The following SUCLG2 variants were observed in gnomAD, a reference collection of about 807,000 sequenced individuals.
SUCLG2 encodes succinate--CoA ligase [GDP-forming] subunit beta, mitochondrial.
A neutral mutation model predicts 47.9 loss-of-function variants in SUCLG2; 42 were observed. The ratio of observed to expected loss-of-function variants is 0.88; its 90% confidence interval spans 0.69 to 1.14. The LOEUF is 1.14. Among genes scored for constraint, SUCLG2 ranks in the 50% most tolerant of loss-of-function variants. The pLI is 0.00. For synonymous variants in SUCLG2, 195 were observed against 197.3 expected (o/e 0.99, Z 0.10); for missense variants, 571 against 525.9 (o/e 1.09, Z -0.84).
chr3:67,408,040 G>A (rs898687589), intron 9 of SUCLG2, among the ~76,000 whole-genome samples: 1 of 152,150 alleles, frequency 6.6e-6, no homozygotes, highest in South Asian at 2.1e-4. Context: ...ATAAGGAAGT[G>A]ATTCAGGTGA....
chr3:67,548,105 T>C (rs1482988497), intron 2 of SUCLG2, among the ~76,000 whole-genome samples: 1 of 152,194 alleles, frequency 6.6e-6, no homozygotes, highest in East Asian at 1.9e-4. Context: ...AAATAAGATT[T>C]GTGCTGAGCG....
intron 9 of SUCLG2, among the ~76,000 whole-genome samples, chr3:67,477,978 T>C (rs1372116637): frequency 6.6e-6 from 1 of 152,188 alleles, no homozygotes; most frequent in African/African-American, 2.4e-5. Flanking sequence ...CATCTATTAA[T>C]CACAACAAAC....
At chr3:67,543,952 T>C (rs1706790924) in intron 2 of SUCLG2, among the ~76,000 whole-genome samples, 1 of 152,222 alleles carries the variant, frequency 6.6e-6, no homozygotes, top group Non-Finnish European at 1.5e-5. Context: ...CTAGAAGATA[T>C]CTTAAGGACA....
chr3:67,450,869 TA>T (rs751924692), intron 9 of SUCLG2, among the ~76,000 whole-genome samples: 1 of 152,198 alleles, frequency 6.6e-6, no homozygotes, highest in East Asian at 1.9e-4. Flanking sequence ...AGTGCAAAAC[TA>T]AACTAACTCT....
intron 6 of SUCLG2, among the ~76,000 whole-genome samples, chr3:67,514,734 G>C (rs1392223608): frequency 6.6e-6 from 1 of 152,140 alleles, no homozygotes; most frequent in Non-Finnish European, 1.5e-5. Flanking sequence ...TAAATGGAAA[G>C]GACAAAATTA....
intron 2 of SUCLG2, among the ~76,000 whole-genome samples, chr3:67,586,733 A>G (rs11127657): frequency 0.93 from 141,225 of 152,266 alleles, 65,803 homozygotes; most frequent in East Asian, 0.99. Context: ...AGGAACACAG[A>G]CTGGGACAGG....
chr3:67,469,440 T>G (rs913475080), intron 9 of SUCLG2, among the ~76,000 whole-genome samples: 1 of 151,970 alleles, frequency 6.6e-6, no homozygotes, highest in East Asian at 1.9e-4. Context: ...TTTAAAATAA[T>G]TTTTTTTGGC....
chr3:67,617,501 T>C (rs759575343), intron 1 of SUCLG2, among the ~76,000 whole-genome samples: 1 of 152,232 alleles, frequency 6.6e-6, no homozygotes, highest in Non-Finnish European at 1.5e-5. Flanking sequence ...TAAAGAGTAG[T>C]CTTCATTGGA....
At chr3:67,411,291 C>T (rs936437841) in intron 9 of SUCLG2, among the ~76,000 whole-genome samples, 2 of 152,040 alleles carry the variant, frequency 1.3e-5, no homozygotes, top group East Asian at 1.9e-4. Flanking sequence ...ACACTTCACA[C>T]CACAGAGAAA....
chr3:67,491,403 C>T, intron 9 of SUCLG2, among the ~76,000 whole-genome samples: 1 of 134,106 alleles, frequency 7.5e-6, no homozygotes, highest in Non-Finnish European at 1.5e-5. Flanking sequence ...TCGCTCTTGT[C>T]TCCCAGGCTG....
chr3:67,513,513 T>C (rs1269637816), intron 6 of SUCLG2, among the ~76,000 whole-genome samples: 2 of 151,248 alleles, frequency 1.3e-5, no homozygotes, highest in East Asian at 1.9e-4. Flanking sequence ...CCTTGTAAGA[T>C]GTCTTATTCC....
At chr3:67,498,820 T>C (rs1705419974) in intron 7 of SUCLG2, among the ~76,000 whole-genome samples, 1 of 152,200 alleles carries the variant, frequency 6.6e-6, no homozygotes, top group Non-Finnish European at 1.5e-5. Flanking sequence ...AATCGCTCGA[T>C]TTTTATTTGA....
chr3:67,496,775 T>C (rs1340444731), intron 8 of SUCLG2, among the ~76,000 whole-genome samples: 1 of 152,020 alleles, frequency 6.6e-6, no homozygotes, highest in East Asian at 1.9e-4. Flanking sequence ...AGCTTAATTA[T>C]ATAAAATTAC....
chr3:67,393,297 A>G (rs1292900107), intron 10 of SUCLG2, among the ~76,000 whole-genome samples: 6 of 152,252 alleles, frequency 3.9e-5, no homozygotes, highest in Non-Finnish European at 8.8e-5. Context: ...TGGCACCTGG[A>G]AAATCGGGTC....
At chr3:67,438,902 C>A (rs886103590) in intron 9 of SUCLG2, among the ~76,000 whole-genome samples, 3 of 152,146 alleles carry the variant, frequency 2.0e-5, no homozygotes, top group Non-Finnish European at 4.4e-5. Context: ...ACTGCATCAT[C>A]CTGATACCAA....
At chr3:67,583,891 T>C (rs1187193297) in intron 2 of SUCLG2, among the ~76,000 whole-genome samples, 2 of 152,242 alleles carry the variant, frequency 1.3e-5, no homozygotes, top group African/African-American at 2.4e-5. Context: ...TATGTGATCA[T>C]ACTGGGTCCA....
At chr3:67,394,178 C>T (rs1702466492) in intron 10 of SUCLG2, among the ~76,000 whole-genome samples, 1 of 152,152 alleles carries the variant, frequency 6.6e-6, no homozygotes, top group Admixed American at 6.5e-5. Flanking sequence ...CGGAGAATGA[C>T]TTTGACGAGT....
At chr3:67,414,093 G>A (rs994728000) in intron 9 of SUCLG2, among the ~76,000 whole-genome samples, 6 of 152,156 alleles carry the variant, frequency 3.9e-5, no homozygotes, top group African/African-American at 1.4e-4. Flanking sequence ...TCATGTCAAA[G>A]TTCTTACTCC....
At chr3:67,604,085 T>A (rs2107302653) in intron 2 of SUCLG2, among the ~76,000 whole-genome samples, 1 of 152,308 alleles carries the variant, frequency 6.6e-6, no homozygotes, top group Non-Finnish European at 1.5e-5. Context: ...CTCTCAGACA[T>A]AAATCCATTT....
Sources: allele counts gnomAD v4.1 joint callset (sites outside exome capture counted in the v4.1 genomes callset), GRCh38; gene constraint gnomAD v4.1.1; transcripts MANE v1.5; gene names NCBI Gene and HGNC (gene_info 2026-07-23, HGNC 2026-07-21).